The following MAPK9 variants were observed in gnomAD, a reference collection of about 807,000 sequenced individuals.
The protein encoded by MAPK9 is Jun kinase.
Under a neutral mutation model 57.1 loss-of-function variants are expected in MAPK9, and 30 were observed. That is an observed-to-expected ratio of 0.53 (90% CI 0.39 to 0.71). The LOEUF is 0.71. Ranked by LOEUF, MAPK9 falls within the 30% of genes least tolerant of loss-of-function variation. MAPK9 has a pLI of 0.00. For synonymous variants in MAPK9, 155 were observed against 177.0 expected, an observed-to-expected ratio of 0.88 and a Z score of 0.99; for missense variants, 362 against 521.0, an observed-to-expected ratio of 0.69 and a Z score of 2.97.
At chr5:180,263,706 C>CTTTTTT (rs61215315) in intron 4 of MAPK9, among the ~76,000 whole-genome samples, 2 of 127,270 alleles carry the variant, frequency 1.6e-5, no homozygotes, top group Non-Finnish European at 3.2e-5. Flanking sequence ...GCACCAAATT[C>CTTTTTT]TTTTTTTTTT....
At chr5:180,258,961 G>T (rs1286329520) in intron 5 of MAPK9, among the ~76,000 whole-genome samples, 1 of 151,590 alleles carries the variant, frequency 6.6e-6, no homozygotes, top group Non-Finnish European at 1.5e-5. Flanking sequence ...TTGAACCTGG[G>T]AGGTGGAGGT....
At chr5:180,258,627 T>C (rs1313172818) in intron 5 of MAPK9, among the ~76,000 whole-genome samples, 1 of 152,002 alleles carries the variant, frequency 6.6e-6, no homozygotes, top group Non-Finnish European at 1.5e-5. Flanking sequence ...AAAGAACTCA[T>C]ACTGGAGAGA....
chr5:180,261,154 G>A (rs1759912211), intron 5 of MAPK9, among the ~76,000 whole-genome samples: 1 of 152,170 alleles, frequency 6.6e-6, no homozygotes, highest in African/African-American at 2.4e-5. Flanking sequence ...GCGGTGCAGG[G>A]TCTGGCCACT....
Position 180,283,062 on chromosome 5 carries a change from G to A in MAPK9, c.-47-2454C>T, listed in dbSNP as rs143693063. Among the ~76,000 whole-genome samples the A allele has an allele frequency of 9.7e-4, 148 of 152,238 alleles. 2 individuals are homozygous for A. Among genetic ancestry groups the A allele is most frequent in the South Asian group, 9.6e-3 (46 of 4,814 alleles). On this transcript the variant is annotated intron_variant, in intron 1 of 11. Transcript: ENST00000452135. ...GTCTGGCCTCAGTCCTGAGGGCTGT[G>A]GAAGCCGTCAAAACATCAGAGGTGC...
intron 3 of MAPK9, among the ~76,000 whole-genome samples, chr5:180,266,690 C>T (rs889060874): frequency 7.9e-5 from 12 of 151,312 alleles, no homozygotes; most frequent in African/African-American, 2.2e-4. Flanking sequence ...TGGCTTCAAG[C>T]GACCCTCCTG....
intron 1 of MAPK9, among the ~76,000 whole-genome samples, chr5:180,288,361 C>G (rs959562061): frequency 6.6e-6 from 1 of 152,194 alleles, no homozygotes; most frequent in Non-Finnish European, 1.5e-5. Flanking sequence ...ATCATCCAAT[C>G]AACAACGTAT....
intron 5 of MAPK9, among the ~76,000 whole-genome samples, chr5:180,251,132 C>T (rs1036348503): frequency 2.0e-5 from 3 of 152,152 alleles, no homozygotes; most frequent in South Asian, 2.1e-4. Context: ...CAAGCAGACT[C>T]GGTGCTGGCG....
chr5:180,283,859 C>G (rs980507541), intron 1 of MAPK9, among the ~76,000 whole-genome samples: 2 of 152,120 alleles, frequency 1.3e-5, no homozygotes, highest in Admixed American at 1.3e-4. Flanking sequence ...TCATTTGAAC[C>G]GGGAGGTGGA....
intron 5 of MAPK9, among the ~76,000 whole-genome samples, chr5:180,260,534 T>C (rs954055378): frequency 1.3e-5 from 2 of 152,240 alleles, no homozygotes; most frequent in African/African-American, 4.8e-5. Flanking sequence ...TGACCATCTC[T>C]GGACTGTTGA....
chr5:180,279,853 G>A (rs539009393), intron 2 of MAPK9: 18 of 456,590 alleles, frequency 3.9e-5, no homozygotes, highest in African/African-American at 2.2e-4. Context: ...AGAGACTAAC[G>A]TTCAGGGTCA....
In MAPK9 at chr5:180,247,634, C is replaced by T; in HGVS notation, c.617-124G>A. 1 of 981,642 alleles carries T rather than the reference C, an allele frequency of 1.0e-6. No homozygotes were observed. The highest frequency in any genetic ancestry group is 2.6e-5 in the East Asian group (1 of 38,468). The allele number at this position is 981,642 out of a possible 1,614,324, so 60.8% of individuals were successfully genotyped here. On this transcript the variant is annotated intron_variant, in intron 6 of 11. Coordinates refer to ENST00000452135, the MANE Select transcript of MAPK9 (RefSeq NM_002752.5). This position sits in a 1 kb window ranked among gnomAD's most constrained non-coding sequence, Gnocchi z 4.5. ...AAAATAAATTGCTAGCTAAGGGTGA[C>T]ATTTTACACAATATGAATGATTGCT...
At chr5:180,262,930 C>T (rs1760138017) in intron 4 of MAPK9, 1 of 152,342 alleles carries the variant, frequency 6.6e-6, no homozygotes, top group African/African-American at 2.4e-5. Context: ...GGTCCTTGAC[C>T]CTCTTCTCTT....
chr5:180,239,894 A>G (rs1327962401), intron 10 of MAPK9, 30 bp downstream of exon 10: 1 of 1,595,840 alleles, frequency 6.3e-7, no homozygotes, highest in Non-Finnish European at 8.6e-7. Flanking sequence ...AAATGTCAAA[A>G]GGAAGGATCA....
chr5:180,264,686 C>T (rs996337796), intron 4 of MAPK9, 95 bp downstream of exon 4: 1 of 1,161,596 alleles, frequency 8.6e-7, no homozygotes. Context: ...AATGTATTGC[C>T]ACCTACATTT....
At chr5:180,269,135 A>G in intron 3 of MAPK9, 145 bp downstream of exon 3, 2 of 891,906 alleles carry the variant, frequency 2.2e-6, no homozygotes, top group Non-Finnish European at 3.3e-6. Context: ...AAACAAAAAA[A>G]CAAAAAACAA....
At chr5:180,267,378 G>A (rs755372422) in intron 3 of MAPK9, among the ~76,000 whole-genome samples, 8 of 151,682 alleles carry the variant, frequency 5.3e-5, no homozygotes, top group African/African-American at 1.5e-4. Flanking sequence ...TGGCTAACAT[G>A]GTGAAACCCC....
At chr5:180,241,229 A>G (rs891126343) in intron 8 of MAPK9, 74 bp from the exon 9 acceptor site, 2 of 1,341,174 alleles carry the variant, frequency 1.5e-6, no homozygotes, top group African/African-American at 2.9e-5. Context: ...AGAACTAAAT[A>G]TGACAACACA....
chr5:180,281,454 T>A (rs1405223256), intron 1 of MAPK9, among the ~76,000 whole-genome samples: 1 of 152,228 alleles, frequency 6.6e-6, no homozygotes, highest in Non-Finnish European at 1.5e-5. Flanking sequence ...GGCAAGTGGT[T>A]CCTAGGCTCG....
Position 180,251,811 on chromosome 5 carries a change from C to T in MAPK9, c.451-2673G>A, listed in dbSNP as rs35433152. On this transcript the variant is annotated intron_variant, in intron 5 of 11. Coordinates refer to ENST00000452135, the MANE Select transcript of MAPK9 (RefSeq NM_002752.5). ...CTGTGGGCAGCAGTGAGGGTACCCA[C>T]AGCACCCGCAGCATGAGTGGGGCAG... is the stretch of plus-strand genomic sequence containing the variant. Among the ~76,000 whole-genome samples the T allele has an allele frequency of 3.1e-3, 474 of 152,218 alleles. 2 individuals carry two copies. Among genetic ancestry groups the T allele is most frequent in the African/African-American group, 0.01 (427 of 41,502 alleles).
Sources: allele counts gnomAD v4.1 joint callset (sites outside exome capture counted in the v4.1 genomes callset), GRCh38; gene constraint gnomAD v4.1.1; non-coding constraint Gnocchi (gnomAD v3.1); transcripts MANE v1.5; gene names NCBI Gene and HGNC (gene_info 2026-07-23, HGNC 2026-07-21).